A1BG: variants seen among roughly 807,000 people sequenced by gnomAD.
A1BG encodes alpha-1B-glycoprotein.
Under a neutral mutation model 46.0 loss-of-function variants are expected in A1BG, and 44 were observed. The ratio of observed to expected loss-of-function variants is 0.96; its 90% CI spans 0.75 to 1.23. A1BG has a LOEUF of 1.23. Ranked by LOEUF, A1BG falls within the 50% of genes most tolerant of loss-of-function variation. The probability of loss-of-function intolerance (pLI) is 0.00; values close to 1 mark genes in which losing one functional copy is unlikely to be tolerated. For synonymous variants in A1BG, 316 were observed against 314.7 expected (o/e 1.00, Z -0.04); for missense variants, 707 against 688.8 (o/e 1.03, Z -0.30).
In A1BG at chr19:58,347,631, G is replaced by A. The variant is rs2051923939; in HGVS notation, c.1202C>T (p.Pro401Leu). The change falls in exon 7 of 8, where the codon CCC (proline) becomes CTC (leucine). Residue 401 changes from proline (P) to leucine (L), a missense_variant. Coordinates refer to ENST00000263100, the MANE Select transcript of A1BG (RefSeq NM_130786.4). Reference protein sequence around the residue: ...RLELHVDGPPPRPQLRATWSG... With the variant: ...RLELHVDGPPLRPQLRATWSG... ...CCACGTCGCCCGGAGCTGAGGCCTG[G>A]GAGGGGGTCCTGGGCGGAGCGGGCG... The A allele has an allele frequency of 6.9e-6, 10 of 1,448,670 alleles. No individual in the cohort carries two copies. The highest frequency in any genetic ancestry group is 8.1e-6 in the Non-Finnish European group (9 of 1,105,970). The allele number at this position is 1,448,670 out of a possible 1,614,324, so 89.7% of individuals were successfully genotyped here.
At position 58,346,902 on chromosome 19, in the gene A1BG, G is replaced by T; in HGVS notation, c.*120C>A. 1 of 1,027,238 alleles carries T rather than the reference G, an allele frequency of 9.7e-7. No individual in the cohort carries two copies. Among genetic ancestry groups the T allele is most frequent in the Non-Finnish European group, 1.6e-6 (1 of 644,522 alleles). 63.6% of individuals were successfully genotyped at this position (1,027,238 alleles called of 1,614,324 possible). On this transcript the variant is annotated 3_prime_UTR_variant, in exon 8 of 8. Transcript: ENST00000263100. The stretch of plus-strand genomic sequence containing the variant: ...ATTTATTAATTCCTGGGAGGAATGA[G>T]GGAGGCTTCTCCAGCCCCCCAGAGA...
chr19:58,349,114 G>C (rs1293818640), intron 6 of A1BG: 1 of 151,990 alleles, frequency 6.6e-6, no homozygotes, highest in Non-Finnish European at 1.5e-5. Context: ...CACCTCCCGG[G>C]TTAAAGCAAT....
chr19:58,347,206 C>G, intron 7 of A1BG, 147 bp downstream of exon 7: 1 of 1,374,896 alleles, frequency 7.3e-7, no homozygotes, highest in Non-Finnish European at 9.9e-7. Context: ...GGTTCCTCGC[C>G]CGCAATTCCC....
At chr19:58,350,006 C>G (rs1315996867) in intron 6 of A1BG, 5 of 217,686 alleles carry the variant, frequency 2.3e-5, no homozygotes, top group Non-Finnish European at 4.5e-5. Context: ...ACACATCAGC[C>G]GTGCGCCTGC....
intron 4 of A1BG, 138 bp downstream of exon 4, chr19:58,352,145 A>G: frequency 6.7e-7 from 1 of 1,501,868 alleles, no homozygotes; most frequent in Non-Finnish European, 8.8e-7. Context: ...TGCAACCATC[A>G]GACCCAGGCA....
chr19:58,350,528 C>A lies in A1BG; in HGVS notation c.1034G>T (p.Arg345Leu), dbSNP rs1158174518. The A allele has an allele frequency of 6.4e-7, 1 of 1,550,434 alleles. No individual in the cohort carries two copies. The highest frequency in any genetic ancestry group is 1.4e-5 in the African/African-American group (1 of 73,014). The change falls in exon 6 of 8, where the codon CGC becomes CTC. Residue 345 changes from arginine (R) to leucine (L), a missense_variant. Coordinates refer to ENST00000263100, the MANE Select transcript of A1BG (RefSeq NM_130786.4). ...AGCGGGGCTCTGGAAACGGTGCACGCGGCGCCCGCCCCTGTCCTCGCGCAC... is the reference window on the plus strand; with the variant it reads ...AGCGGGGCTCTGGAAACGGTGCACGAGGCGCCCGCCCCTGTCCTCGCGCAC... ...ALVREDRGGR[R>L]VHRFQSPAGT...
chr19:58,347,717 A>G, intron 6 of A1BG, 77 bp from the exon 7 acceptor site: 1 of 980,928 alleles, frequency 1.0e-6, no homozygotes, highest in Non-Finnish European at 1.3e-6. Flanking sequence ...GCCACACCCC[A>G]GGCCGCGCCC....
rs943557574 is a variant in A1BG, at chr19:58,350,763, G to A, written c.911-112C>T. 4 of 1,206,120 alleles carry A rather than the reference G, an allele frequency of 3.3e-6. No individual in the cohort carries two copies. In the African/African-American group the frequency reaches 4.8e-5, roughly 15 times the overall value. The allele number at this position is 1,206,120 out of a possible 1,614,324, so 74.7% of individuals were successfully genotyped here. ...CTGAGTCTTCTGCCCGCAATGACCT[G>A]GCCAGCTTCCTCCCTCGCCTCCTCC... On this transcript the variant is annotated intron_variant, in intron 5 of 7. Coordinates refer to ENST00000263100, the MANE Select transcript of A1BG (RefSeq NM_130786.4).
chr19:58,347,449 G>T lies in A1BG; in HGVS notation c.1384C>A (p.Pro462Thr). 1 of 1,606,698 alleles carries T rather than the reference G, an allele frequency of 6.2e-7. No individual in the cohort carries two copies. The highest frequency in any genetic ancestry group is 8.5e-7 in the Non-Finnish European group (1 of 1,176,414). ...AANLELIFVGPQHAGNYRCRY... is the reference protein window; with the variant it reads ...AANLELIFVGTQHAGNYRCRY... ...CACCTGTAGTTGCCGGCGTGCTGGG[G>T]CCCCACGAAGATCAGCTCGAGGTTC... Residue 462 changes from proline (P) to threonine (T), a missense_variant, in exon 7 of 8, where the codon CCC becomes ACC. Pro to Thr is a conservative substitution (Grantham distance 38). Coordinates refer to ENST00000263100, the MANE Select transcript of A1BG (RefSeq NM_130786.4).
chr19:58,347,688 GC>G (rs113490434), intron 6 of A1BG, 48 bp from the exon 7 acceptor site: 218,755 of 987,764 alleles, frequency 0.22, 33,882 homozygotes, highest in East Asian at 0.37. Flanking sequence ...CCCAGGCCAC[GC>G]CCCAGGCCAC....
intron 4 of A1BG, 189 bp from the exon 5 acceptor site, chr19:58,351,876 A>G: frequency 1.4e-6 from 1 of 720,384 alleles, no homozygotes; most frequent in South Asian, 2.0e-5. Context: ...GCTCACTGCA[A>G]GCTCTGCCTC....
At chr19:58,350,888 G>A (rs2051951910) in intron 5 of A1BG, 4 of 441,826 alleles carry the variant, frequency 9.1e-6, no homozygotes, top group Non-Finnish European at 1.6e-5. Context: ...GACGGGAAGC[G>A]GGGACGGGGA....
At chr19:58,350,137 G>T (rs567687133) in intron 6 of A1BG, 30 of 518,124 alleles carry the variant, frequency 5.8e-5, no homozygotes, top group South Asian at 2.3e-4. Flanking sequence ...CCCTGCTGCC[G>T]ACCACCACGC....
rs997579918 is a variant in A1BG, at chr19:58,350,085, C to G, written c.1192+285G>C. The G allele has an allele frequency of 1.0e-5, 4 of 391,088 alleles. No individual in the cohort carries two copies. In the Admixed American group the frequency reaches 1.8e-4, roughly 17 times the overall value. 24.2% of individuals were successfully genotyped at this position (391,088 alleles called of 1,614,324 possible). On this transcript the variant is annotated intron_variant, in intron 6 of 7. Transcript: ENST00000263100. Reference sequence around the variant, plus strand: ...GGCCAGTAATAAAACAAGGCAGCCACAGAGCTGCAGGGATCTGAACAAGAA... The same window carrying G: ...GGCCAGTAATAAAACAAGGCAGCCAGAGAGCTGCAGGGATCTGAACAAGAA...
chr19:58,351,688 C>A lies in A1BG; in HGVS notation c.614-1G>T. The A allele has an allele frequency of 6.3e-7, 1 of 1,578,522 alleles. No homozygotes were observed. The highest frequency in any genetic ancestry group is 1.1e-5 in the South Asian group (1 of 87,360). The stretch of plus-strand genomic sequence containing the variant: ...ATCAGCACAGGCGGTGGTGGTGCAG[C>A]TGCAATGCAGGCAGCATTACTAGGC... On this transcript the variant is annotated splice_acceptor_variant, in intron 4 of 7. Coordinates refer to ENST00000263100, the MANE Select transcript of A1BG (RefSeq NM_130786.4). LOFTEE classifies it high-confidence loss of function.
chr19:58,350,273 GCGC>G, intron 6 of A1BG, 94 bp downstream of exon 6: 4 of 1,406,740 alleles, frequency 2.8e-6, no homozygotes, highest in Non-Finnish European at 3.8e-6. Context: ...AAGGCCCAGA[GCGC>G]CGCCGTCGGA....
intron 6 of A1BG, 124 bp from the exon 7 acceptor site, chr19:58,347,764 C>T (rs1181353204): frequency 3.5e-6 from 2 of 578,394 alleles, no homozygotes; most frequent in East Asian, 3.8e-5. Context: ...TCTTCCCTGT[C>T]TTGTTCCTGG....
chr19:58,353,384 C>T lies in A1BG; in HGVS notation c.34+20G>A, dbSNP rs759148563. 1.3e-5 allele frequency: 21 copies of T among 1,612,408 alleles called. No individual in the cohort carries two copies. In the East Asian group the frequency reaches 3.6e-4, roughly 27 times the overall value. Reference sequence around the variant, plus strand: ...CCCGCCCCCTCCCGCCCCAGGGACCCAGACCCCAGGAGGCCTCACCCCACA... The same window carrying T: ...CCCGCCCCCTCCCGCCCCAGGGACCTAGACCCCAGGAGGCCTCACCCCACA... On this transcript the variant is annotated intron_variant, in intron 1 of 7. Transcript: ENST00000263100.
intron 5 of A1BG, chr19:58,350,856 A>G (rs1307586373): frequency 4.2e-6 from 2 of 481,626 alleles, no homozygotes; most frequent in Admixed American, 3.9e-5. Context: ...GTTTCTTAGT[A>G]ATTTGTTTGT....
Sources: allele counts gnomAD v4.1 joint callset, GRCh38; gene constraint gnomAD v4.1.1; transcripts MANE v1.5; gene names NCBI Gene and HGNC (gene_info 2026-07-23, HGNC 2026-07-21).